The following TCF7L1 variants were observed in gnomAD, a reference collection of about 807,000 sequenced individuals.
TCF7L1 encodes the protein transcription factor 7-like 1.
Under a neutral mutation model 63.7 loss-of-function variants are expected in TCF7L1, and 18 were observed. That is an observed-to-expected ratio of 0.28 (90% CI 0.20 to 0.42). TCF7L1 has a LOEUF of 0.42. Among genes scored for constraint, TCF7L1 ranks in the 10% least tolerant of loss-of-function variants. The probability of loss-of-function intolerance (pLI) is 1.00; values close to 1 mark genes in which losing one functional copy is unlikely to be tolerated. For synonymous variants in TCF7L1, 355 were observed against 340.9 expected, an observed-to-expected ratio of 1.04 and a Z score of -0.46; for missense variants, 654 against 779.3, an observed-to-expected ratio of 0.84 and a Z score of 1.91.
intron 3 of TCF7L1, among the ~76,000 whole-genome samples, chr2:85,252,064 G>T (rs1200984361): frequency 1.3e-5 from 2 of 152,174 alleles, no homozygotes; most frequent in African/African-American, 4.8e-5. Flanking sequence ...AACAGAGTAA[G>T]ATCCTCTCTC....
chr2:85,269,791 C>G (rs1573018314), intron 3 of TCF7L1, among the ~76,000 whole-genome samples: 1 of 152,318 alleles, frequency 6.6e-6, no homozygotes, highest in East Asian at 1.9e-4. Context: ...GACATAAAAT[C>G]GTGTTGTTCC....
At position 85,277,619 on chromosome 2, in the gene TCF7L1, G is replaced by T. The variant is rs528414437; in HGVS notation, c.442-5876G>T. ...TGCTGATGGGCAAGTGGCCAAAAAT[G>T]GGCGAGACCATGGGGCTGGAGCAAG... On this transcript the variant is annotated intron_variant, in intron 3 of 11. Coordinates refer to ENST00000282111, the MANE Select transcript of TCF7L1 (RefSeq NM_031283.3). 2.2e-4 allele frequency among the ~76,000 whole-genome samples: 33 copies of T among 152,310 alleles called. 1 individual carries two copies. The South Asian group carries it at 6.4e-3, about 30-fold the overall frequency.
intron 3 of TCF7L1, among the ~76,000 whole-genome samples, chr2:85,280,951 A>G (rs763429543): frequency 4.6e-5 from 7 of 151,448 alleles, no homozygotes; most frequent in African/African-American, 7.3e-5. Context: ...CCAGAGACCT[A>G]GGCTCCAGCT....
chr2:85,213,016 A>G (rs1679609917), intron 3 of TCF7L1, among the ~76,000 whole-genome samples: 1 of 152,038 alleles, frequency 6.6e-6, no homozygotes, highest in Non-Finnish European at 1.5e-5. Context: ...GGAGTCCTGG[A>G]AGTGGGTGAG....
At chr2:85,135,427 G>T (rs1022284252) in intron 3 of TCF7L1, among the ~76,000 whole-genome samples, 1 of 152,160 alleles carries the variant, frequency 6.6e-6, no homozygotes, top group Non-Finnish European at 1.5e-5. Context: ...GTAGTTCTTT[G>T]CTTCCCGCCC....
intron 3 of TCF7L1, among the ~76,000 whole-genome samples, chr2:85,183,373 G>A (rs1003867503): frequency 3.9e-5 from 6 of 152,148 alleles, no homozygotes; most frequent in African/African-American, 1.2e-4. Context: ...TGGATGGCCC[G>A]TGGTGTCCCT....
chr2:85,206,357 G>A (rs151201476), intron 3 of TCF7L1, among the ~76,000 whole-genome samples: 1 of 152,350 alleles, frequency 6.6e-6, no homozygotes, highest in Non-Finnish European at 1.5e-5. Context: ...TGGGTTAGTG[G>A]TTTTATGCCA....
chr2:85,268,767 TAAAA>T (rs61701088), intron 3 of TCF7L1, among the ~76,000 whole-genome samples: 18 of 139,218 alleles, frequency 1.3e-4, no homozygotes, highest in Non-Finnish European at 1.7e-4. Flanking sequence ...AGCGGCAGGT[TAAAA>T]AAAAAAAAAA....
intron 3 of TCF7L1, among the ~76,000 whole-genome samples, chr2:85,235,678 G>A (rs1680174677): frequency 6.6e-6 from 1 of 151,994 alleles, no homozygotes; most frequent in Admixed American, 6.6e-5. Context: ...TAAGGGCAAG[G>A]GCAAAACAGG....
At chr2:85,218,432 T>G (rs928318334) in intron 3 of TCF7L1, among the ~76,000 whole-genome samples, 5 of 152,082 alleles carry the variant, frequency 3.3e-5, no homozygotes, top group Non-Finnish European at 7.4e-5. Context: ...ATTTTTGTAT[T>G]TTTTGAAGAG....
chr2:85,277,914 C>A (rs927640395), intron 3 of TCF7L1, among the ~76,000 whole-genome samples: 1 of 152,098 alleles, frequency 6.6e-6, no homozygotes, highest in Non-Finnish European at 1.5e-5. Context: ...AAGTGTGGGA[C>A]AGGGTGAGGA....
rs143095223 is a variant in TCF7L1, at chr2:85,237,795, C to A, written c.442-45700C>A. Among the ~76,000 whole-genome samples the A allele has an allele frequency of 7.5e-3, 1,118 of 149,020 alleles. 14 individuals are homozygous for A. Among genetic ancestry groups the A allele is most frequent in the African/African-American group, 0.027 (1,064 of 40,030 alleles). ...AAGGAGGGAGGGGGCTGGTGGGGGG[C>A]TGCCAAATCAGGCAGGGTCAGGGAG... On this transcript the variant is annotated intron_variant, in intron 3 of 11. Transcript: ENST00000282111.
At chr2:85,136,971 G>A (rs1677609752) in intron 3 of TCF7L1, among the ~76,000 whole-genome samples, 1 of 152,154 alleles carries the variant, frequency 6.6e-6, no homozygotes, top group African/African-American at 2.4e-5. Context: ...GGATAGATAC[G>A]AGTGGGGAGG....
chr2:85,307,456 G>A (rs1203817119), intron 10 of TCF7L1, among the ~76,000 whole-genome samples, 186 bp from the exon 11 acceptor site: 1 of 152,164 alleles, frequency 6.6e-6, no homozygotes, highest in Admixed American at 6.5e-5. Flanking sequence ...GTTTGTAGGG[G>A]AGGAAGGGCT....
chr2:85,229,333 G>A (rs991502611), intron 3 of TCF7L1, among the ~76,000 whole-genome samples: 8 of 152,174 alleles, frequency 5.3e-5, no homozygotes, highest in Admixed American at 1.3e-4. Context: ...GAGACAGAGC[G>A]AGACTCCGTC....
intron 3 of TCF7L1, among the ~76,000 whole-genome samples, chr2:85,199,667 G>C (rs1217379504): frequency 1.3e-5 from 2 of 152,126 alleles, no homozygotes; most frequent in Non-Finnish European, 2.9e-5. Flanking sequence ...GTCATTGTTG[G>C]GGTATGCCAG....
chr2:85,141,085 A>G (rs923672074), intron 3 of TCF7L1, among the ~76,000 whole-genome samples: 1 of 152,138 alleles, frequency 6.6e-6, no homozygotes, highest in Admixed American at 6.6e-5. Flanking sequence ...CAGAAGTTCA[A>G]GACCAGCCTG....
intron 3 of TCF7L1, among the ~76,000 whole-genome samples, chr2:85,152,241 T>C (rs1234730089): frequency 6.6e-6 from 1 of 152,172 alleles, no homozygotes; most frequent in Non-Finnish European, 1.5e-5. Context: ...TGTCTTCTTT[T>C]AGTGGAGAAT....
intron 3 of TCF7L1, among the ~76,000 whole-genome samples, chr2:85,206,576 T>C (rs557049438): frequency 1.3e-5 from 2 of 152,316 alleles, no homozygotes; most frequent in Non-Finnish European, 2.9e-5. Flanking sequence ...ACAGCTAGCA[T>C]GTGGCCGACA....
Sources: allele counts gnomAD v4.1 joint callset (sites outside exome capture counted in the v4.1 genomes callset), GRCh38; gene constraint gnomAD v4.1.1; transcripts MANE v1.5; gene names NCBI Gene and HGNC (gene_info 2026-07-23, HGNC 2026-07-21).